The following DZIP3 variants were observed in gnomAD, a reference collection of about 807,000 sequenced individuals.
DZIP3 encodes E3 ubiquitin-protein ligase DZIP3.
Under a neutral mutation model 162.0 loss-of-function variants are expected in DZIP3, and 118 were observed. That is an observed-to-expected ratio of 0.73 (90% CI 0.63 to 0.85). DZIP3 has a LOEUF of 0.85. DZIP3 is among the 40% of genes least tolerant of loss of function. The pLI, the probability that DZIP3 is intolerant of heterozygous loss-of-function variation, is 0.00. For missense variants in DZIP3, 1,331 were observed against 1,407.0 expected, an observed-to-expected ratio of 0.95 and a Z score of 0.86; for synonymous variants, 438 against 458.6, an observed-to-expected ratio of 0.96 and a Z score of 0.57.
chr3:108,670,944 A>T (rs1278648781), intron 22 of DZIP3, among the ~76,000 whole-genome samples: 1 of 151,836 alleles, frequency 6.6e-6, no homozygotes, highest in South Asian at 2.1e-4. Flanking sequence ...AGAAATGTCT[A>T]TTCAAATCCT....
At chr3:108,606,821 T>C (rs1940403895) in intron 2 of DZIP3, among the ~76,000 whole-genome samples, 1 of 152,184 alleles carries the variant, frequency 6.6e-6, no homozygotes, top group African/African-American at 2.4e-5. Flanking sequence ...CATGGCACTT[T>C]TGATTCAGAA....
At chr3:108,662,404 A>G (rs776191664) in intron 21 of DZIP3, 147 bp downstream of exon 21, 29 of 1,035,116 alleles carry the variant, frequency 2.8e-5, no homozygotes, top group Non-Finnish European at 3.8e-5. Context: ...AAAACCAACC[A>G]TATTTTTGTC....
intron 1 of DZIP3, among the ~76,000 whole-genome samples, chr3:108,595,282 A>T (rs1939650765): frequency 6.6e-6 from 1 of 152,174 alleles, no homozygotes; most frequent in South Asian, 2.1e-4. Flanking sequence ...CAGTGGCATG[A>T]TTAATAGCTT....
intron 3 of DZIP3, among the ~76,000 whole-genome samples, chr3:108,609,242 A>G (rs1190108498): frequency 6.6e-6 from 1 of 152,192 alleles, no homozygotes; most frequent in Non-Finnish European, 1.5e-5. Flanking sequence ...TGCAGAGGTT[A>G]TCCTGTAACT....
chr3:108,667,153 CA>C (rs533995729), intron 21 of DZIP3, among the ~76,000 whole-genome samples: 240 of 132,380 alleles, frequency 1.8e-3, no homozygotes, highest in African/African-American at 6.2e-3. Flanking sequence ...GGCTCCATTT[CA>C]AAAAAAAAAG....
intron 12 of DZIP3, 68 bp from the exon 13 acceptor site, chr3:108,642,370 A>T (rs1942437614): frequency 2.1e-6 from 3 of 1,404,366 alleles, no homozygotes; most frequent in Admixed American, 5.1e-5. Flanking sequence ...CCATGCTCAT[A>T]CTAGAAATCT....
At position 108,667,264 on chromosome 3, in the gene DZIP3, T is replaced by C. The variant is rs145022370; in HGVS notation, c.2424-2417T>C. On this transcript the variant is annotated intron_variant, in intron 21 of 32. Coordinates refer to ENST00000361582, the MANE Select transcript of DZIP3 (RefSeq NM_014648.4). Reference sequence around the variant, plus strand: ...AAGGTCAATAAAATTGACAAACCTCTAGCAAGACTGACAATATAAAAGACA... The same window carrying C: ...AAGGTCAATAAAATTGACAAACCTCCAGCAAGACTGACAATATAAAAGACA... Among the ~76,000 whole-genome samples, 708 of 152,200 alleles carry C rather than the reference T, an allele frequency of 4.7e-3. 5 individuals carry two copies. The highest frequency in any genetic ancestry group is 0.016 in the African/African-American group (676 of 41,534).
At chr3:108,603,440 G>T (rs1048447023) in intron 1 of DZIP3, among the ~76,000 whole-genome samples, 1 of 152,084 alleles carries the variant, frequency 6.6e-6, no homozygotes, top group African/African-American at 2.4e-5. Flanking sequence ...GCTGTAGTTT[G>T]TATCTTTCAT....
chr3:108,688,454 C>T, intron 29 of DZIP3, 139 bp from the exon 30 acceptor site: 2 of 935,628 alleles, frequency 2.1e-6, no homozygotes, highest in Non-Finnish European at 3.1e-6. Context: ...GTATTGCCAC[C>T]ATTTTGTTCA....
chr3:108,626,522 G>A (rs1398257864), intron 7 of DZIP3, among the ~76,000 whole-genome samples: 1 of 152,186 alleles, frequency 6.6e-6, no homozygotes, highest in East Asian at 1.9e-4. Context: ...CTACTTTTAA[G>A]AAAGTGAAAT....
chr3:108,648,948 A>T lies in DZIP3; in HGVS notation c.1993A>T (p.Thr665Ser), dbSNP rs1017471945. The T allele has an allele frequency of 1.7e-6, 2 of 1,165,138 alleles. No homozygotes were observed. The highest frequency in any genetic ancestry group is 2.3e-6 in the Non-Finnish European group (2 of 877,184). 72.2% of individuals were successfully genotyped at this position (1,165,138 alleles called of 1,614,324 possible). ...GAGTAAACAAAGGAAAAAGAAGAAGACTAAGAATAAAAAGGTAAGAGACTA... is the reference window on the plus strand; with the variant it reads ...GAGTAAACAAAGGAAAAAGAAGAAGTCTAAGAATAAAAAGGTAAGAGACTA... ...VKSKQRKKKK[T>S]KNKKNKDSKE... Residue 665 changes from threonine (T) to serine (S), a missense_variant, in exon 17 of 33, where the codon ACT becomes TCT. Thr to Ser is a moderately conservative substitution (Grantham distance 58). Around this residue, in one of 2 missense-constraint regions of DZIP3, gnomAD observed 1,278 missense variants for 1,317.1 expected, o/e 0.97. Transcript: ENST00000361582.
chr3:108,627,534 T>C (rs1173673207), intron 7 of DZIP3, among the ~76,000 whole-genome samples: 1 of 152,204 alleles, frequency 6.6e-6, no homozygotes, highest in Non-Finnish European at 1.5e-5. Flanking sequence ...TCAAGAAATT[T>C]TCAGCATTTC....
At chr3:108,637,608 G>C in intron 12 of DZIP3, 60 bp downstream of exon 12, 1 of 1,424,348 alleles carries the variant, frequency 7.0e-7, no homozygotes, top group Non-Finnish European at 9.7e-7. Flanking sequence ...TTTTTTGGTT[G>C]CTTAATTCTT....
chr3:108,620,804 C>CATTGTT (rs1230436679), intron 5 of DZIP3, among the ~76,000 whole-genome samples: 1 of 151,826 alleles, frequency 6.6e-6, no homozygotes, highest in Non-Finnish European at 1.5e-5. Context: ...TTTAAAAGAT[C>CATTGTT]ATTGTTTTTG....
intron 15 of DZIP3, 112 bp downstream of exon 15, chr3:108,646,761 G>C (rs1398277301): frequency 1.2e-6 from 1 of 840,060 alleles, no homozygotes; most frequent in African/African-American, 1.8e-5. Flanking sequence ...GAAGAACTTG[G>C]GCCAGGCGCA....
chr3:108,613,281 A>G (rs1043466748), intron 4 of DZIP3, among the ~76,000 whole-genome samples: 1 of 152,162 alleles, frequency 6.6e-6, no homozygotes, highest in African/African-American at 2.4e-5. Context: ...GCTAAATGCT[A>G]AGTCTAAAGT....
intron 22 of DZIP3, 50 bp from the exon 23 acceptor site, chr3:108,672,510 A>T: frequency 7.0e-7 from 1 of 1,438,550 alleles, no homozygotes; most frequent in South Asian, 1.2e-5. Flanking sequence ...TAGATGAAAA[A>T]GGCTCTGCTT....
chr3:108,611,108 T>A, intron 3 of DZIP3, 66 bp from the exon 4 acceptor site: 7 of 1,432,590 alleles, frequency 4.9e-6, no homozygotes, highest in Non-Finnish European at 6.5e-6. Flanking sequence ...CTTTGGCTGA[T>A]CTTAGAATTA....
chr3:108,654,484 A>T, intron 19 of DZIP3, 174 bp downstream of exon 19: 1 of 650,168 alleles, frequency 1.5e-6, no homozygotes, highest in Non-Finnish European at 2.5e-6. Context: ...AATAAGGAAA[A>T]AAAAGAACGC....
Sources: allele counts gnomAD v4.1 joint callset (sites outside exome capture counted in the v4.1 genomes callset), GRCh38; gene constraint gnomAD v4.1.1; regional missense constraint gnomAD v4.1.1; transcripts MANE v1.5; gene names NCBI Gene and HGNC (gene_info 2026-07-23, HGNC 2026-07-21).